LRGUK: variants seen among roughly 807,000 people sequenced by gnomAD.
LRGUK encodes leucine-rich repeat and guanylate kinase domain-containing protein.
LRGUK carries 65 observed loss-of-function variants against 76.0 expected under a neutral mutation model. The ratio of observed to expected loss-of-function variants is 0.85; its 90% confidence interval spans 0.70 to 1.05. LRGUK has a LOEUF of 1.05. Ranked by LOEUF, LRGUK falls within the 50% of genes least tolerant of loss-of-function variation. The pLI is 0.00. For missense variants in LRGUK, 758 were observed against 732.8 expected, an observed-to-expected ratio of 1.03 and a Z score of -0.40; for synonymous variants, 268 against 265.6, an observed-to-expected ratio of 1.01 and a Z score of -0.09.
intron 6 of LRGUK, among the ~76,000 whole-genome samples, chr7:134,160,696 A>G (rs1272596575): frequency 6.6e-6 from 1 of 152,230 alleles, no homozygotes; most frequent in Non-Finnish European, 1.5e-5. Context: ...AGTAATGACA[A>G]TGCATTCCAA....
intron 14 of LRGUK, among the ~76,000 whole-genome samples, chr7:134,200,574 G>C (rs1324520908): frequency 7.1e-6 from 1 of 140,666 alleles, no homozygotes; most frequent in Non-Finnish European, 1.5e-5. Flanking sequence ...TTACCTCTTA[G>C]GGGGAAGGGA....
At chr7:134,212,338 C>T (rs1290972445), downstream of LRGUK, among the ~76,000 whole-genome samples, 1 of 152,224 alleles carries the variant, frequency 6.6e-6, no homozygotes, top group Non-Finnish European at 1.5e-5. Flanking sequence ...TCTTAAAAAG[C>T]TGCAAGATAT....
intron 3 of LRGUK, 125 bp from the exon 4 acceptor site, chr7:134,142,937 A>G: frequency 1.7e-6 from 1 of 579,248 alleles, no homozygotes; most frequent in Non-Finnish European, 3.1e-6. Flanking sequence ...CTCATATGGA[A>G]TAATTAAGAT....
chr7:134,174,688 G>A (rs1451502153), intron 8 of LRGUK, 52 bp downstream of exon 8: 1 of 968,622 alleles, frequency 1.0e-6, no homozygotes, highest in Non-Finnish European at 1.7e-6. Context: ...GTGGGATGGT[G>A]GAGGGAAACT....
chr7:134,128,842 A>G (rs1797149116), intron 1 of LRGUK, among the ~76,000 whole-genome samples: 1 of 151,746 alleles, frequency 6.6e-6, no homozygotes, highest in Admixed American at 6.6e-5. Context: ...GAGCCACCGC[A>G]CCCGGCCTAA....
At chr7:134,131,663 G>A (rs544253285) in intron 1 of LRGUK, among the ~76,000 whole-genome samples, 1 of 152,170 alleles carries the variant, frequency 6.6e-6, no homozygotes, top group East Asian at 1.9e-4. Context: ...TTGGCCAGGT[G>A]GTATTAGATT....
chr7:134,189,501 G>A (rs992323556), intron 11 of LRGUK, among the ~76,000 whole-genome samples: 2 of 152,168 alleles, frequency 1.3e-5, no homozygotes, highest in African/African-American at 4.8e-5. Context: ...TGCAGTGGCT[G>A]CAGGTTCTGT....
chr7:134,232,284 ATT>A (rs199587725), intron 16 of LRGUK, among the ~76,000 whole-genome samples: 3 of 145,924 alleles, frequency 2.1e-5, no homozygotes, highest in East Asian at 2.0e-4. Flanking sequence ...TTTTTAATTT[ATT>A]TTTTTTTTTT....
At chr7:134,224,019 C>T (rs765948732) in intron 16 of LRGUK, among the ~76,000 whole-genome samples, 4 of 152,184 alleles carry the variant, frequency 2.6e-5, no homozygotes, top group Non-Finnish European at 5.9e-5. Context: ...GCATGAGGAA[C>T]CTATCACTCT....
intron 16 of LRGUK, among the ~76,000 whole-genome samples, chr7:134,239,219 A>T (rs567196285): frequency 6.6e-6 from 1 of 152,316 alleles, no homozygotes; most frequent in South Asian, 2.1e-4. Context: ...GGCTTGTCAG[A>T]CAGTGGGTGC....
chr7:134,181,324 C>T (rs898818556), intron 10 of LRGUK, among the ~76,000 whole-genome samples: 1 of 151,952 alleles, frequency 6.6e-6, no homozygotes, highest in African/African-American at 2.4e-5. Flanking sequence ...AAAAATGTTA[C>T]TCCATTGTCT....
At chr7:134,257,251 A>C (rs899760769) in intron 18 of LRGUK, among the ~76,000 whole-genome samples, 2 of 152,240 alleles carry the variant, frequency 1.3e-5, no homozygotes. Flanking sequence ...CTTAAATATC[A>C]GCCATTTTCG....
chr7:134,249,209 A>C, intron 18 of LRGUK, 133 bp downstream of exon 18: 1 of 1,030,520 alleles, frequency 9.7e-7, no homozygotes, highest in East Asian at 2.7e-5. Context: ...GTAGAATTTG[A>C]AGGGAGTAGA....
At chr7:134,169,173 C>G (rs1392831354) in intron 7 of LRGUK, among the ~76,000 whole-genome samples, 1 of 143,496 alleles carries the variant, frequency 7.0e-6, no homozygotes, top group Non-Finnish European at 1.5e-5. Flanking sequence ...CACACACACA[C>G]ACACACACAC....
chr7:134,199,983 TA>T (rs869258962), intron 14 of LRGUK, among the ~76,000 whole-genome samples: 8 of 5,152 alleles, frequency 1.6e-3, no homozygotes, highest in East Asian at 0.02. Flanking sequence ...TAGAAACTTT[TA>T]TATATATATA....
At chr7:134,259,819 T>A (rs1424162361) in intron 19 of LRGUK, among the ~76,000 whole-genome samples, 1 of 152,118 alleles carries the variant, frequency 6.6e-6, no homozygotes, top group African/African-American at 2.4e-5. Flanking sequence ...GACCTGCCAC[T>A]CCAGGGCCCG....
chr7:134,189,120 G>C (rs1800092807), intron 11 of LRGUK, among the ~76,000 whole-genome samples: 1 of 152,186 alleles, frequency 6.6e-6, no homozygotes, highest in Non-Finnish European at 1.5e-5. Flanking sequence ...TTTAGGACCA[G>C]AGTTGGAGTC....
At chr7:134,148,425 A>C (rs1219385284) in intron 5 of LRGUK, 106 bp downstream of exon 5, 2 of 653,460 alleles carry the variant, frequency 3.1e-6, no homozygotes, top group African/African-American at 1.9e-5. Flanking sequence ...CCAGATAAGC[A>C]ATTTAATAGA....
At chr7:134,173,289 G>A (rs1164404405) in intron 7 of LRGUK, among the ~76,000 whole-genome samples, 2 of 152,120 alleles carry the variant, frequency 1.3e-5, no homozygotes, top group African/African-American at 2.4e-5. Context: ...CTTTGAACAT[G>A]GTGCATATGT....
Sources: allele counts gnomAD v4.1 joint callset (sites outside exome capture counted in the v4.1 genomes callset), GRCh38; gene constraint gnomAD v4.1.1; transcripts MANE v1.5; gene names NCBI Gene and HGNC (gene_info 2026-07-23, HGNC 2026-07-21).